The following KIF11 variants were observed in gnomAD, a reference collection of about 807,000 sequenced individuals.
KIF11 encodes kinesin family member 11.
Under a neutral mutation model 121.0 loss-of-function variants are expected in KIF11, and 9 were observed. That is an observed-to-expected ratio of 0.07 (90% CI 0.04 to 0.13). The LOEUF (loss-of-function observed/expected upper bound fraction) is 0.13. KIF11 is among the 10% of genes least tolerant of loss of function. The probability of loss-of-function intolerance (pLI) is 1.00; values close to 1 mark genes in which losing one functional copy is unlikely to be tolerated. For synonymous variants in KIF11, 408 were observed against 421.0 expected (o/e 0.97, Z 0.38); for missense variants, 846 against 1,217.5 (o/e 0.69, Z 4.54).
At chr10:92,603,378 T>C (rs141359305) in intron 1 of KIF11, among the ~76,000 whole-genome samples, 1 of 149,242 alleles carries the variant, frequency 6.7e-6, no homozygotes, top group Non-Finnish European at 1.5e-5. Flanking sequence ...TAGCTGGGAC[T>C]GTAGGTGGCT....
chr10:92,621,397 G>A lies in KIF11; in HGVS notation c.1141G>A (p.Glu381Lys), dbSNP rs1321309930. Residue 381 changes from glutamate to lysine, a missense_variant, in exon 10 of 22, where the codon GAG (glutamate) becomes AAG (lysine). By Grantham distance (56) the Glu-to-Lys change is moderately conservative (BLOSUM62 1). Coordinates refer to ENST00000260731, the MANE Select transcript of KIF11 (RefSeq NM_004523.4). Reference sequence around the variant, plus strand: ...TCCTCTTGTGTAGGAGTATACGGAGGAGATAGAACGTTTAAAACGAGATCT... The same window carrying A: ...TCCTCTTGTGTAGGAGTATACGGAGAAGATAGAACGTTTAAAACGAGATCT... Reference protein sequence around the residue: ...KKALIKEYTEEIERLKRDLAA... With the variant: ...KKALIKEYTEKIERLKRDLAA... The A allele has an allele frequency of 2.5e-6, 4 of 1,610,098 alleles. No homozygotes were observed. In the African/African-American group the frequency reaches 5.3e-5, roughly 22 times the overall value.
At chr10:92,652,056 C>G (rs1009154226) in intron 21 of KIF11, among the ~76,000 whole-genome samples, 2 of 150,228 alleles carry the variant, frequency 1.3e-5, no homozygotes, top group African/African-American at 4.9e-5. Context: ...AGCAGCCCTC[C>G]TACCTCAGCC....
intron 1 of KIF11, among the ~76,000 whole-genome samples, chr10:92,599,963 T>A (rs12218324): frequency 0.12 from 17,985 of 147,430 alleles, 1,434 homozygotes; most frequent in African/African-American, 0.2. Context: ...TTTTTTTTTT[T>A]AATTAACTAT....
intron 10 of KIF11, among the ~76,000 whole-genome samples, chr10:92,624,772 GTTT>G (rs1297187722): frequency 1.5e-5 from 2 of 134,822 alleles, no homozygotes; most frequent in Non-Finnish European, 1.6e-5. Flanking sequence ...TGTGTGTGTG[GTTT>G]TTTTTTTTTT....
At chr10:92,623,398 A>C (rs1844638542) in intron 10 of KIF11, among the ~76,000 whole-genome samples, 1 of 152,188 alleles carries the variant, frequency 6.6e-6, no homozygotes, top group Admixed American at 6.5e-5. Flanking sequence ...TATAACTTGA[A>C]AATTCCTGAT....
intron 16 of KIF11, among the ~76,000 whole-genome samples, chr10:92,638,101 T>C (rs76867445): frequency 6.6e-6 from 1 of 152,228 alleles, no homozygotes; most frequent in Non-Finnish European, 1.5e-5. Flanking sequence ...AACCATAATC[T>C]GTAAATATCA....
At chr10:92,612,118 TG>T in intron 6 of KIF11, among the ~76,000 whole-genome samples, 2 of 151,486 alleles carry the variant, frequency 1.3e-5, no homozygotes, top group Non-Finnish European at 2.9e-5. Context: ...TTTGTTTTTT[TG>T]TTTGCTTGTT....
intron 6 of KIF11, among the ~76,000 whole-genome samples, chr10:92,612,053 C>T (rs547383374): frequency 1.8e-4 from 27 of 151,632 alleles, no homozygotes; most frequent in Non-Finnish European, 3.5e-4. Context: ...TGTCTTTGGT[C>T]ATCTGTATAA....
chr10:92,606,069 A>C (rs1054928696), intron 1 of KIF11, among the ~76,000 whole-genome samples, 196 bp from the exon 2 acceptor site: 11 of 152,238 alleles, frequency 7.2e-5, no homozygotes, highest in Non-Finnish European at 1.5e-4. Context: ...CATTTAAAAA[A>C]TTATATTTGT....
Position 92,632,527 on chromosome 10 carries a change from T to G in KIF11, c.1536T>G (p.Gly512=). 1 of 1,613,602 alleles carries G rather than the reference T, an allele frequency of 6.2e-7. No individual in the cohort carries two copies. Among genetic ancestry groups the G allele is most frequent in the Non-Finnish European group, 8.5e-7 (1 of 1,179,608 alleles). The change falls in exon 13 of 22, where the codon GGT becomes GGG. Residue 512 remains glycine, a synonymous_variant. Transcript: ENST00000260731. ...AAGAAACTACAAAAGATGTATCTGG[T>G]CTCCATTCCAAACTGGATCGTAAGA... The part of the protein sequence containing the change: ...TVEETTKDVS[G]LHSKLDRKKA...
chr10:92,651,952 T>C (rs532607474), intron 21 of KIF11, among the ~76,000 whole-genome samples: 1 of 145,460 alleles, frequency 6.9e-6, no homozygotes, highest in East Asian at 2.1e-4. Context: ...GAGATGCATA[T>C]GCTTGTACCT....
In KIF11 at chr10:92,649,828, G is replaced by A. The variant is rs778997794; in HGVS notation, c.2771-7G>A. ...AATTTTTACCTCTTATCTAATGTCC[G>A]TTAAAGGTACGACACCACAGAGGAA... On this transcript the variant is annotated splice_region_variant and splice_polypyrimidine_tract_variant and intron_variant, in intron 19 of 21. Transcript: ENST00000260731. The A allele has an allele frequency of 1.2e-5, 19 of 1,583,518 alleles. No individual in the cohort carries two copies. Among genetic ancestry groups the A allele is most frequent in the Admixed American group, 3.4e-5 (2 of 58,452 alleles).
At position 92,613,005 on chromosome 10, in the gene KIF11, T is replaced by C; in HGVS notation, c.699-35T>C. The C allele has an allele frequency of 7.9e-7, 1 of 1,272,140 alleles. No individual in the cohort carries two copies. Among genetic ancestry groups the C allele is most frequent in the Non-Finnish European group, 1.1e-6 (1 of 884,058 alleles). The allele number at this position is 1,272,140 out of a possible 1,614,324, so 78.8% of individuals were successfully genotyped here. A position where few individuals can be genotyped will look rare whatever the true frequency, so the allele number is the denominator to read the frequency against. On this transcript the variant is annotated intron_variant, in intron 6 of 21. Transcript: ENST00000260731. The surrounding 1 kb of genome is among the most constrained non-coding windows in gnomAD (Gnocchi z 4.2). ...CAGAAGCAGCAAATGCTATTTTACA[T>C]TATAATGACTGGGCAACTTGATATT...
At chr10:92,609,246 T>C (rs555490719) in intron 5 of KIF11, 41 bp downstream of exon 5, 2 of 1,524,444 alleles carry the variant, frequency 1.3e-6, no homozygotes, top group Non-Finnish European at 1.8e-6. Flanking sequence ...TGAATTTTAA[T>C]GTGTGAGGCT....
intron 12 of KIF11, among the ~76,000 whole-genome samples, chr10:92,631,049 G>T (rs1032130037): frequency 7.9e-5 from 12 of 151,630 alleles, no homozygotes; most frequent in African/African-American, 2.9e-4. Context: ...ACTTTGGGAG[G>T]CCGAGGTGGG....
At chr10:92,610,083 A>G (rs1031243960) in intron 6 of KIF11, among the ~76,000 whole-genome samples, 3 of 152,150 alleles carry the variant, frequency 2.0e-5, no homozygotes, top group Non-Finnish European at 4.4e-5. Context: ...GTAACATGAT[A>G]TATGGAAGCC....
In KIF11 at chr10:92,639,786, T is replaced by G. The variant is rs377296107; in HGVS notation, c.2161-8T>G. ...TAAGTCTCTTCACTTCCCACACCTT[T>G]CTTACAGGAACTTTGCAAGTTAATG... On this transcript the variant is annotated splice_region_variant and splice_polypyrimidine_tract_variant and intron_variant, in intron 16 of 21. Coordinates refer to ENST00000260731, the MANE Select transcript of KIF11 (RefSeq NM_004523.4). 3.1e-5 allele frequency: 49 copies of G among 1,565,696 alleles called. No homozygotes were observed. Among genetic ancestry groups the G allele is most frequent in the Non-Finnish European group, 4.2e-5 (48 of 1,145,020 alleles).
chr10:92,602,599 C>T (rs922115899), intron 1 of KIF11, among the ~76,000 whole-genome samples: 4 of 151,964 alleles, frequency 2.6e-5, no homozygotes, highest in Non-Finnish European at 5.9e-5. Context: ...ATAACTAGTT[C>T]TTTTGTTTCC....
intron 3 of KIF11, 51 bp from the exon 4 acceptor site, chr10:92,607,108 G>T (rs779468431): frequency 9.4e-7 from 1 of 1,058,834 alleles, no homozygotes; most frequent in African/African-American, 1.6e-5. Context: ...ATCACTAAGA[G>T]TCATATGGGT....
Sources: gnomAD v4.1 joint callset for allele counts (sites outside exome capture counted in the v4.1 genomes callset) on GRCh38, gnomAD v4.1.1 for gene constraint, Gnocchi (gnomAD v3.1) non-coding constraint, MANE v1.5 for transcripts, NCBI Gene and HGNC (gene_info 2026-07-23, HGNC 2026-07-21) for gene names.